The following PTPRD variants were observed in gnomAD, a reference collection of about 807,000 sequenced individuals.
PTPRD encodes the protein protein tyrosine phosphatase receptor type D.
A neutral mutation model predicts 214.5 loss-of-function variants in PTPRD; 34 were observed. That is an observed-to-expected ratio of 0.16 (90% CI 0.12 to 0.21). PTPRD has a LOEUF of 0.21. PTPRD is among the 10% of genes least tolerant of loss of function. PTPRD has a pLI of 1.00. For synonymous variants in PTPRD, 1,128 were observed against 845.7 expected, an observed-to-expected ratio of 1.33 and a Z score of -5.79; for missense variants, 2,545 against 2,398.7, an observed-to-expected ratio of 1.06 and a Z score of -1.27.
intron 9 of PTPRD, among the ~76,000 whole-genome samples, chr9:9,356,617 G>C (rs1450349237): frequency 6.6e-6 from 1 of 151,332 alleles, no homozygotes; most frequent in African/African-American, 2.4e-5. Flanking sequence ...TAGTGATGGG[G>C]AGAAGTAGGA....
intron 5 of PTPRD, among the ~76,000 whole-genome samples, chr9:9,771,571 A>G (rs187879796): frequency 3.7e-4 from 57 of 152,334 alleles, no homozygotes; most frequent in African/African-American, 1.3e-3. Context: ...GAGTTACTCC[A>G]CATCACCTTA....
intron 10 of PTPRD, among the ~76,000 whole-genome samples, chr9:9,167,328 T>TTG (rs147430665): frequency 0.2 from 29,468 of 145,532 alleles, 2,907 homozygotes; most frequent in South Asian, 0.31. Flanking sequence ...TATATGGGGT[T>TTG]TGTGTGTGTG....
At chr9:10,481,339 T>C (rs527460415) in intron 2 of PTPRD, among the ~76,000 whole-genome samples, 1 of 152,302 alleles carries the variant, frequency 6.6e-6, no homozygotes, top group African/African-American at 2.4e-5. Context: ...AAATATCCTA[T>C]TGGATTTTTT....
chr9:9,331,992 G>A (rs771300680), intron 9 of PTPRD, among the ~76,000 whole-genome samples: 5 of 151,974 alleles, frequency 3.3e-5, no homozygotes, highest in Non-Finnish European at 7.4e-5. Context: ...CTCTATCAAT[G>A]GGAGGAATAA....
intron 5 of PTPRD, among the ~76,000 whole-genome samples, chr9:9,840,977 G>T (rs1000716439): frequency 5.3e-5 from 8 of 151,996 alleles, no homozygotes; most frequent in Non-Finnish European, 8.8e-5. Context: ...GTGAATAAAG[G>T]ACCACTGAGC....
chr9:9,705,129 C>T (rs1377878466), intron 7 of PTPRD, among the ~76,000 whole-genome samples: 1 of 152,118 alleles, frequency 6.6e-6, no homozygotes, highest in Non-Finnish European at 1.5e-5. Context: ...AGAAATTCAT[C>T]CTACATACTT....
chr9:10,106,013 C>CAAAAAAAAA (rs35421883), intron 3 of PTPRD, among the ~76,000 whole-genome samples: 1 of 56,668 alleles, frequency 1.8e-5, no homozygotes, highest in Non-Finnish European at 3.4e-5. Context: ...ATCACATATT[C>CAAAAAAAAA]AAAAAAAAAA....
chr9:10,511,958 ATATATATACGT>A (rs2133826839), intron 2 of PTPRD, among the ~76,000 whole-genome samples: 1 of 73,214 alleles, frequency 1.4e-5, no homozygotes, highest in Non-Finnish European at 3.0e-5. Flanking sequence ...GTGTGTGTAT[ATATATATACGT>A]GTGTGTGTAT....
At chr9:10,167,479 C>T (rs1343200246) in intron 3 of PTPRD, among the ~76,000 whole-genome samples, 1 of 152,126 alleles carries the variant, frequency 6.6e-6, no homozygotes, top group Non-Finnish European at 1.5e-5. Context: ...AGGAGATCCA[C>T]AGTCCTCTTC....
chr9:10,474,277 G>T (rs1393322545), intron 2 of PTPRD, among the ~76,000 whole-genome samples: 1 of 148,580 alleles, frequency 6.7e-6, no homozygotes, highest in Admixed American at 6.8e-5. Flanking sequence ...AAAATAAAGG[G>T]ATGGAGGAAT....
chr9:10,088,415 T>C (rs1221440049), intron 3 of PTPRD, among the ~76,000 whole-genome samples: 1 of 151,790 alleles, frequency 6.6e-6, no homozygotes, highest in Non-Finnish European at 1.5e-5. Context: ...TTCTGACTTA[T>C]GATCAGATAA....
intron 8 of PTPRD, among the ~76,000 whole-genome samples, chr9:9,566,199 T>C (rs565309661): frequency 4.6e-5 from 7 of 152,154 alleles, no homozygotes; most frequent in African/African-American, 1.7e-4. Context: ...AATCAAACTA[T>C]TGTCATATTT....
At chr9:9,050,609 T>C (rs926135012) in intron 10 of PTPRD, among the ~76,000 whole-genome samples, 1 of 152,208 alleles carries the variant, frequency 6.6e-6, no homozygotes, top group Admixed American at 6.5e-5. Flanking sequence ...TTAAATTGCA[T>C]CACTCTGAGT....
At chr9:9,392,528 G>A (rs911498219) in intron 9 of PTPRD, among the ~76,000 whole-genome samples, 11 of 152,164 alleles carry the variant, frequency 7.2e-5, no homozygotes, top group Non-Finnish European at 1.6e-4. Context: ...GTCCTTGCAA[G>A]AATGGGATCC....
chr9:9,852,692 A>C (rs528400842), intron 5 of PTPRD, among the ~76,000 whole-genome samples: 2 of 152,258 alleles, frequency 1.3e-5, no homozygotes, highest in East Asian at 3.9e-4. Context: ...TAAAGTAACA[A>C]TTACCAAATT....
At chr9:10,447,230 G>A (rs2098806430) in intron 2 of PTPRD, among the ~76,000 whole-genome samples, 1 of 151,922 alleles carries the variant, frequency 6.6e-6, no homozygotes. Flanking sequence ...AAAATTTAGT[G>A]CCAAGTCAGC....
chr9:10,287,312 AGG>A (rs1404836615), intron 3 of PTPRD, among the ~76,000 whole-genome samples: 1 of 152,188 alleles, frequency 6.6e-6, no homozygotes, highest in African/African-American at 2.4e-5. Context: ...CTGGGTGAGT[AGG>A]GCCAAACCGG....
chr9:10,216,186 A>G (rs972139252), intron 3 of PTPRD, among the ~76,000 whole-genome samples: 2 of 151,886 alleles, frequency 1.3e-5, no homozygotes, highest in Admixed American at 1.3e-4. Flanking sequence ...CTGCATTAAA[A>G]TATTATTTAT....
At position 8,485,230 on chromosome 9, in the gene PTPRD, G is replaced by C; in HGVS notation, c.3150C>G (p.Phe1050Leu). The change falls in exon 29 of 46, where the codon TTC (phenylalanine) becomes TTG (leucine). Residue 1050 changes from phenylalanine (F) to leucine (L), a missense_variant. Physicochemically the swap from Phe to Leu is conservative, Grantham distance 22 (BLOSUM62 0). Coordinates refer to ENST00000381196, the MANE Select transcript of PTPRD (RefSeq NM_002839.4). ...TACAAATTAGAAAACAACTTACTTT[G>C]AAAGGCATGGCGGAGTTATAATTCT... ...IPENYNSAMP[F>L]KILYDDGKMV... 1 of 1,612,732 alleles carries C rather than the reference G, an allele frequency of 6.2e-7. No homozygotes were observed. Among genetic ancestry groups the C allele is most frequent in the Non-Finnish European group, 8.5e-7 (1 of 1,178,866 alleles).
Sources: allele counts gnomAD v4.1 joint callset (sites outside exome capture counted in the v4.1 genomes callset), GRCh38; gene constraint gnomAD v4.1.1; transcripts MANE v1.5; gene names NCBI Gene and HGNC (gene_info 2026-07-23, HGNC 2026-07-21).